SCN2A: variants seen among roughly 807,000 people sequenced by gnomAD.
SCN2A encodes the protein sodium voltage-gated channel alpha subunit 2.
Under a neutral mutation model 188.7 loss-of-function variants are expected in SCN2A, and 20 were observed. The ratio of observed to expected loss-of-function variants is 0.11; its 90% CI spans 0.07 to 0.15. The LOEUF is 0.15. Among genes scored for constraint, SCN2A ranks in the 10% least tolerant of loss-of-function variants. The probability of loss-of-function intolerance (pLI) is 1.00; values close to 1 mark genes in which losing one functional copy is unlikely to be tolerated. For synonymous variants in SCN2A, 804 were observed against 833.1 expected, an observed-to-expected ratio of 0.97 and a Z score of 0.60; for missense variants, 1,278 against 2,445.0, an observed-to-expected ratio of 0.52 and a Z score of 10.07.
chr2:165,372,509 G>A (rs1559397175), intron 20 of SCN2A: 1 of 151,930 alleles, frequency 6.6e-6, no homozygotes, highest in Non-Finnish European at 1.5e-5. Context: ...AAGGAAATTG[G>A]ACATGTGTAT....
At chr2:165,362,860 GA>G (rs1453332262) in intron 17 of SCN2A, among the ~76,000 whole-genome samples, 2 of 152,108 alleles carry the variant, frequency 1.3e-5, no homozygotes, top group Admixed American at 6.6e-5. Flanking sequence ...TGCATATGGT[GA>G]GTGAAGATGG....
intron 1 of SCN2A, among the ~76,000 whole-genome samples, chr2:165,252,473 T>A (rs990816968): frequency 4.6e-5 from 7 of 152,190 alleles, no homozygotes; most frequent in African/African-American, 1.4e-4. Flanking sequence ...GTAAATGCAT[T>A]TTATTTATCA....
At position 165,308,816 on chromosome 2, in the gene SCN2A, C is replaced by T. The variant is rs775433362; in HGVS notation, c.605+22C>T. On this transcript the variant is annotated intron_variant, in intron 5 of 26. Transcript: ENST00000375437. Reference sequence around the variant, plus strand: ...TTGCGTAAGTATCTTAATACATTTTCTATCCTGGAAGAGTAAATCACTGGT... The same window carrying T: ...TTGCGTAAGTATCTTAATACATTTTTTATCCTGGAAGAGTAAATCACTGGT... 9 of 1,611,924 alleles carry T rather than the reference C, an allele frequency of 5.6e-6. No homozygotes were observed. In the South Asian group the frequency reaches 9.9e-5, roughly 18 times the overall value.
intron 11 of SCN2A, among the ~76,000 whole-genome samples, chr2:165,317,466 C>T (rs1574577250): frequency 6.6e-6 from 1 of 151,694 alleles, no homozygotes; most frequent in Non-Finnish European, 1.5e-5. Context: ...TGAATTTTTG[C>T]CTGAAGTTGT....
intron 22 of SCN2A, among the ~76,000 whole-genome samples, chr2:165,376,423 T>C (rs1328834800): frequency 1.3e-5 from 2 of 152,040 alleles, no homozygotes; most frequent in Admixed American, 6.6e-5. Flanking sequence ...AAAAATGATA[T>C]AATACTATAC....
At chr2:165,299,519 A>G (rs528500531) in intron 3 of SCN2A, among the ~76,000 whole-genome samples, 1 of 152,354 alleles carries the variant, frequency 6.6e-6, no homozygotes, top group South Asian at 2.1e-4. Flanking sequence ...GTTATATTTC[A>G]GATGTCTCAC....
intron 1 of SCN2A, chr2:165,266,465 G>C (rs114958662): frequency 1.3e-5 from 2 of 152,012 alleles, no homozygotes; most frequent in Non-Finnish European, 2.9e-5. Context: ...AGTAAGGGCC[G>C]GGAAAGCCAG....
intron 17 of SCN2A, among the ~76,000 whole-genome samples, chr2:165,360,715 T>C (rs1470503730): frequency 1.3e-5 from 2 of 151,988 alleles, no homozygotes; most frequent in East Asian, 3.8e-4. Flanking sequence ...GTTAGTCCGC[T>C]AGTTTCCTGA....
chr2:165,314,834 G>A (rs1029167513), intron 10 of SCN2A, among the ~76,000 whole-genome samples: 1 of 152,050 alleles, frequency 6.6e-6, no homozygotes, highest in African/African-American at 2.4e-5. Flanking sequence ...TTATTACCGA[G>A]TATTCCTAAA....
At chr2:165,327,108 A>T (rs1473936613) in intron 13 of SCN2A, 124 bp downstream of exon 13, 1 of 1,262,686 alleles carries the variant, frequency 7.9e-7, no homozygotes, top group Non-Finnish European at 1.1e-6. Context: ...TTTACTAAAT[A>T]ACAGTAAAAT....
At chr2:165,312,176 C>A in intron 8 of SCN2A, 88 bp downstream of exon 8, 1 of 938,850 alleles carries the variant, frequency 1.1e-6, no homozygotes, top group Non-Finnish European at 1.7e-6. Flanking sequence ...GTCCCACTCA[C>A]TCCTCACTCA....
chr2:165,328,802 C>A (rs926962123), intron 13 of SCN2A, among the ~76,000 whole-genome samples: 2 of 151,970 alleles, frequency 1.3e-5, no homozygotes, highest in Non-Finnish European at 2.9e-5. Flanking sequence ...ATCTGCAGAG[C>A]TTTTGACTTG....
chr2:165,374,419 T>C (rs1701205367), intron 21 of SCN2A, among the ~76,000 whole-genome samples: 1 of 152,116 alleles, frequency 6.6e-6, no homozygotes, highest in African/African-American at 2.4e-5. Flanking sequence ...TGGCATTTGC[T>C]GTTAGTTCCA....
chr2:165,306,540 G>A (rs1697149176), intron 3 of SCN2A, among the ~76,000 whole-genome samples: 1 of 105,682 alleles, frequency 9.5e-6, no homozygotes, highest in African/African-American at 3.3e-5. Context: ...GTGTGTGTGT[G>A]TGTGTGTGTG....
chr2:165,309,418 A>G lies in SCN2A; in HGVS notation c.672A>G (p.Ala224=), dbSNP rs2228986. Residue 224 remains alanine (A), a synonymous_variant, in exon 6 of 27, where the codon GCA becomes GCG. Coordinates refer to ENST00000375437, the MANE Select transcript of SCN2A (RefSeq NM_001040142.2). ...TGAGAACATTCAGAGTTCTCCGAGC[A>G]TTGAAAACAATTTCAGTCATTCCAG... ...SALRTFRVLR[A]LKTISVIPGL... is the part of the protein sequence containing the mutation. The G allele has an allele frequency of 5.0e-6, 8 of 1,613,672 alleles. No homozygotes were observed. In the South Asian group the frequency reaches 8.8e-5, roughly 18 times the overall value.
At chr2:165,284,853 A>T (rs185749855) in intron 1 of SCN2A, among the ~76,000 whole-genome samples, 71 of 152,320 alleles carry the variant, frequency 4.7e-4, no homozygotes, top group African/African-American at 1.7e-3. Context: ...CTTCCTGCTG[A>T]TGAGCCATTT....
At position 165,389,956 on chromosome 2, in the gene SCN2A, A is replaced by T; in HGVS notation, c.*132A>T. 1.4e-6 allele frequency: 2 copies of T among 1,430,946 alleles called. No individual in the cohort carries two copies. The highest frequency in any genetic ancestry group is 1.9e-6 in the Non-Finnish European group (2 of 1,078,404). The allele number at this position is 1,430,946 out of a possible 1,614,324, so 88.6% of individuals were successfully genotyped here. A position where few individuals can be genotyped will look rare whatever the true frequency, so the allele number is the denominator to read the frequency against. On this transcript the variant is annotated 3_prime_UTR_variant, in exon 27 of 27. Coordinates refer to ENST00000375437, the MANE Select transcript of SCN2A (RefSeq NM_001040142.2). The surrounding 1 kb of genome is among the most constrained non-coding windows in gnomAD (Gnocchi z 4.2). ...TTTTTACAAATGTATACTTAAGGTC[A>T]GTGCCTATAACAAGACAGAGACCTC...
chr2:165,343,033 G>A (rs973476542), intron 15 of SCN2A, among the ~76,000 whole-genome samples: 4 of 152,128 alleles, frequency 2.6e-5, no homozygotes, highest in Non-Finnish European at 5.9e-5. Flanking sequence ...TTTAAAGAAA[G>A]TATCTTTCTT....
At chr2:165,291,537 CTTCCTTCCT>C (rs1696187762) in intron 1 of SCN2A, among the ~76,000 whole-genome samples, 1 of 64,008 alleles carries the variant, frequency 1.6e-5, no homozygotes, top group African/African-American at 5.0e-5. Context: ...TCCTTCCTTC[CTTCCTTCCT>C]TCCTTCCTTC....
Sources: gnomAD v4.1 joint callset for allele counts (sites outside exome capture counted in the v4.1 genomes callset) on GRCh38, gnomAD v4.1.1 for gene constraint, Gnocchi (gnomAD v3.1) non-coding constraint, MANE v1.5 for transcripts, NCBI Gene and HGNC (gene_info 2026-07-23, HGNC 2026-07-21) for gene names.